The following CUX1 variants were observed in gnomAD, a reference collection of about 807,000 sequenced individuals.
CUX1 encodes protein CASP.
Under a neutral mutation model 158.8 loss-of-function variants are expected in CUX1, and 31 were observed. The ratio of observed to expected loss-of-function variants is 0.20; its 90% CI spans 0.15 to 0.26. The LOEUF is 0.26. Among genes scored for constraint, CUX1 ranks in the 10% least tolerant of loss-of-function variants. The probability of loss-of-function intolerance (pLI) is 1.00; values close to 1 mark genes in which losing one functional copy is unlikely to be tolerated. For synonymous variants in CUX1, 879 were observed against 862.1 expected, an observed-to-expected ratio of 1.02 and a Z score of -0.34; for missense variants, 1,589 against 2,014.6, an observed-to-expected ratio of 0.79 and a Z score of 4.04.
intron 1 of CUX1, among the ~76,000 whole-genome samples, chr7:101,841,006 G>C (rs1795144314): frequency 6.6e-6 from 1 of 151,796 alleles, no homozygotes; most frequent in Non-Finnish European, 1.5e-5. Context: ...CCATTTTCCT[G>C]CCTTAGCCTC....
intron 2 of CUX1, among the ~76,000 whole-genome samples, chr7:101,935,791 C>T (rs954194365): frequency 2.0e-5 from 3 of 152,174 alleles, no homozygotes; most frequent in Admixed American, 2.0e-4. Flanking sequence ...GAAGCTTGGA[C>T]TTCACTCTGT....
intron 1 of CUX1, among the ~76,000 whole-genome samples, chr7:101,852,903 C>T (rs538669197): frequency 7.2e-5 from 11 of 152,116 alleles, no homozygotes; most frequent in African/African-American, 2.4e-4. Flanking sequence ...GTCTTGAACT[C>T]CTGACCTCAG....
intron 3 of CUX1, among the ~76,000 whole-genome samples, chr7:102,032,220 C>T (rs1346174889): frequency 1.3e-5 from 2 of 152,062 alleles, no homozygotes; most frequent in Admixed American, 1.3e-4. Flanking sequence ...TGGGCCACCA[C>T]GCCTGGCCTG....
At position 101,984,105 on chromosome 7, in the gene CUX1, TATATATATATATATATATATATATAC is replaced by T. The variant is rs1261557566; in HGVS notation, c.142-43991_142-43966del. Among the ~76,000 whole-genome samples the T allele has an allele frequency of 5.9e-4, 20 of 34,132 alleles. 3 individuals carry two copies. The highest frequency in any genetic ancestry group is 4.7e-3 in the South Asian group (4 of 858). The allele number at this position is 34,132 out of a possible 152,430, so 22.4% of individuals were successfully genotyped here. A position where few individuals can be genotyped will look rare whatever the true frequency, so the allele number is the denominator to read the frequency against. ...AAAAAAAAAAATATATATATATATA[TATATATATATATATATATATATATAC>T]ACACACACATATATATATGTGTGTG... On this transcript the variant is annotated intron_variant, in intron 2 of 23. Transcript: ENST00000292535.
intron 2 of CUX1, chr7:101,932,327 G>T: frequency 3.5e-6 from 1 of 289,414 alleles, no homozygotes; most frequent in Non-Finnish European, 6.9e-6. Flanking sequence ...CTGGGGTCAG[G>T]TGTGTTCACA....
At chr7:101,930,494 G>T (rs544967341) in intron 2 of CUX1, among the ~76,000 whole-genome samples, 3 of 152,286 alleles carry the variant, frequency 2.0e-5, no homozygotes, top group East Asian at 1.9e-4. Flanking sequence ...TGGCTAGGGG[G>T]ATGGAGCGCG....
intron 8 of CUX1, among the ~76,000 whole-genome samples, chr7:102,141,812 T>TTTTTTTTTTA (rs1834497597): frequency 6.8e-6 from 1 of 146,254 alleles, no homozygotes; most frequent in Non-Finnish European, 1.5e-5. Context: ...TTTTTTTTTT[T>TTTTTTTTTTA]GTATTTTTAG....
chr7:101,830,061 C>T (rs1178608482), intron 1 of CUX1, among the ~76,000 whole-genome samples: 1 of 152,186 alleles, frequency 6.6e-6, no homozygotes, highest in African/African-American at 2.4e-5. Flanking sequence ...CAAGACTTTC[C>T]TCTGAGATGC....
At chr7:101,930,939 A>G (rs1315903333) in intron 2 of CUX1, among the ~76,000 whole-genome samples, 2 of 152,118 alleles carry the variant, frequency 1.3e-5, no homozygotes, top group African/African-American at 4.8e-5. Flanking sequence ...TCTACTAAAA[A>G]TACAAAAATT....
chr7:101,943,116 T>A (rs1385741746), intron 2 of CUX1, among the ~76,000 whole-genome samples: 18 of 147,966 alleles, frequency 1.2e-4, no homozygotes, highest in Non-Finnish European at 2.7e-4. Flanking sequence ...TTTTTCTTTT[T>A]CTGTTTTTGA....
At chr7:102,215,110 C>T (rs1221388085) in intron 20 of CUX1, among the ~76,000 whole-genome samples, 1 of 152,112 alleles carries the variant, frequency 6.6e-6, no homozygotes, top group Admixed American at 6.5e-5. Flanking sequence ...CAGGCCTTCT[C>T]ATTCCAGAGT....
chr7:101,816,179 A>C, upstream of CUX1: 1 of 588,232 alleles, frequency 1.7e-6, no homozygotes, highest in Non-Finnish European at 2.1e-6. Context: ...GGGCTGGCCC[A>C]GCCGCCGGGG....
intron 2 of CUX1, among the ~76,000 whole-genome samples, chr7:102,012,494 A>G (rs1818148453): frequency 6.6e-6 from 1 of 152,140 alleles, no homozygotes; most frequent in Non-Finnish European, 1.5e-5. Flanking sequence ...GGCCTTCAGT[A>G]GCTTTTAAAG....
chr7:102,062,213 AG>A (rs1287436527), intron 3 of CUX1, among the ~76,000 whole-genome samples: 2 of 152,210 alleles, frequency 1.3e-5, no homozygotes, highest in East Asian at 1.9e-4. Context: ...GAAAGCACCC[AG>A]GGGGAAGTTG....
Position 102,205,041 on chromosome 7 carries a change from G to A in CUX1, c.3074-73G>A, listed in dbSNP as rs1795809064. On this transcript the variant is annotated intron_variant, in intron 19 of 23. Transcript: ENST00000292535. The stretch of plus-strand genomic sequence containing the variant: ...GGAATGGGAAGCCTCCCCGGGCCTT[G>A]CCACATTCAGTTAGGAAGCTTTAAG... The A allele has an allele frequency of 9.1e-6, 10 of 1,102,334 alleles. No individual in the cohort carries two copies. The East Asian group carries it at 1.7e-4, about 19-fold the overall frequency. 68.3% of individuals were successfully genotyped at this position (1,102,334 alleles called of 1,614,324 possible). A position where few individuals can be genotyped will look rare whatever the true frequency, so the allele number is the denominator to read the frequency against.
At chr7:101,915,664 G>A (rs1223977697) in intron 1 of CUX1, among the ~76,000 whole-genome samples, 2 of 152,196 alleles carry the variant, frequency 1.3e-5, no homozygotes, top group Admixed American at 1.3e-4. Context: ...CACACGGAAT[G>A]CCCCGAGGAG....
intron 21 of CUX1, among the ~76,000 whole-genome samples, chr7:102,231,299 G>A (rs1051845268): frequency 1.3e-5 from 2 of 151,614 alleles, no homozygotes; most frequent in African/African-American, 2.4e-5. Context: ...CAAAGTGCTG[G>A]GATTACAGGC....
rs759034398 is a variant in CUX1, at chr7:101,845,835, C to T, written c.30+28166C>T. ...ACCAGCCTGGCCAACGTGGTAAAAC[C>T]CCATCTCTACTAAAAATACAAAATT... On this transcript the variant is annotated intron_variant, in intron 1 of 23. Transcript: ENST00000292535. Among the ~76,000 whole-genome samples, 3 of 152,140 alleles carry T rather than the reference C, an allele frequency of 2.0e-5. No individual in the cohort carries two copies. The East Asian group carries it at 5.8e-4, about 29-fold the overall frequency.
Position 102,256,132 on chromosome 7 carries a change from C to A in CUX1, c.*7090C>A. ...GCGTGCAGGGCCCGCGGGCTCTGGC[C>A]GGAGCCGCTGGCCTGACGAGGCAGG... On this transcript the variant is annotated 3_prime_UTR_variant, in exon 24 of 24. Coordinates refer to ENST00000292535, the MANE Select transcript of CUX1 (RefSeq NM_181552.4). The A allele has an allele frequency of 1.0e-6, 1 of 985,376 alleles. No individual in the cohort carries two copies. Among genetic ancestry groups the A allele is most frequent in the Non-Finnish European group, 1.2e-6 (1 of 829,934 alleles). 61.0% of individuals were successfully genotyped at this position (985,376 alleles called of 1,614,324 possible).
Sources: gnomAD v4.1 joint callset for allele counts (sites outside exome capture counted in the v4.1 genomes callset) on GRCh38, gnomAD v4.1.1 for gene constraint, MANE v1.5 for transcripts, NCBI Gene and HGNC (gene_info 2026-07-23, HGNC 2026-07-21) for gene names.